FAM120A: variants seen among roughly 807,000 people sequenced by gnomAD.
The protein encoded by FAM120A is family with sequence similarity 120 member A, also known as constitutive coactivator of PPAR-gamma-like protein 1.
Under a neutral mutation model 109.7 loss-of-function variants are expected in FAM120A, and 15 were observed. The observed-to-expected ratio is 0.14, with a 90% CI of 0.09 to 0.21. FAM120A has a LOEUF of 0.21. FAM120A is among the 10% of genes least tolerant of loss of function. FAM120A has a pLI of 1.00. For synonymous variants in FAM120A, 493 were observed against 572.8 expected (o/e 0.86, Z 1.99); for missense variants, 899 against 1,439.3 (o/e 0.62, Z 6.07).
intron 3 of FAM120A, among the ~76,000 whole-genome samples, chr9:93,481,359 A>G (rs771159557): frequency 6.6e-6 from 1 of 151,994 alleles, no homozygotes; most frequent in Non-Finnish European, 1.5e-5. Flanking sequence ...TGCTGGCTTT[A>G]TTTTTTTAAA....
chr9:93,556,361 A>T, intron 12 of FAM120A, 21 bp from the exon 13 acceptor site: 1 of 1,595,700 alleles, frequency 6.3e-7, no homozygotes, highest in Non-Finnish European at 8.6e-7. Flanking sequence ...TTCCATAGAA[A>T]TTACTCTTTT....
chr9:93,461,569 C>G (rs916379250), intron 1 of FAM120A, among the ~76,000 whole-genome samples: 4 of 152,062 alleles, frequency 2.6e-5, no homozygotes, highest in African/African-American at 9.7e-5. Flanking sequence ...CTAGAGTAGG[C>G]TAAATAGATT....
intron 11 of FAM120A, 22 bp from the exon 12 acceptor site, chr9:93,550,554 CT>C (rs1564358018): frequency 3.8e-6 from 6 of 1,598,132 alleles, no homozygotes; most frequent in Non-Finnish European, 5.1e-6. Flanking sequence ...AATCACCAAC[CT>C]TTTGTTTCTG....
intron 1 of FAM120A, among the ~76,000 whole-genome samples, chr9:93,455,403 T>A (rs1857507875): frequency 6.6e-6 from 1 of 152,216 alleles, no homozygotes; most frequent in Non-Finnish European, 1.5e-5. Context: ...GTGATGGAAC[T>A]GTTCTGTATT....
intron 12 of FAM120A, among the ~76,000 whole-genome samples, chr9:93,552,848 C>G (rs1862150350): frequency 6.6e-6 from 1 of 152,156 alleles, no homozygotes; most frequent in African/African-American, 2.4e-5. Context: ...GCCTGCTACC[C>G]AGTTTGTGGA....
intron 12 of FAM120A, among the ~76,000 whole-genome samples, chr9:93,552,644 T>G (rs1862140174): frequency 6.6e-6 from 1 of 152,248 alleles, no homozygotes. Flanking sequence ...GATCATTATT[T>G]AAATGCTACA....
intron 2 of FAM120A, among the ~76,000 whole-genome samples, chr9:93,471,893 T>G (rs1428386826): frequency 1.3e-5 from 2 of 152,208 alleles, no homozygotes; most frequent in African/African-American, 4.8e-5. Flanking sequence ...CTTTAAAAAA[T>G]TTCCTTGGAG....
chr9:93,464,013 C>G (rs1218204270), intron 1 of FAM120A, among the ~76,000 whole-genome samples: 1 of 152,174 alleles, frequency 6.6e-6, no homozygotes, highest in Non-Finnish European at 1.5e-5. Flanking sequence ...TACTATTATT[C>G]TTACAGATGA....
chr9:93,491,707 G>A lies in FAM120A; in HGVS notation c.805-5764G>A, dbSNP rs187487271. ...ATTGCTACACAGTGATGTGAAAAAA[G>A]CAATTGATCATAAGCGTTTGCTTGT... On this transcript the variant is annotated intron_variant, in intron 3 of 17. Transcript: ENST00000277165. Among the ~76,000 whole-genome samples the A allele has an allele frequency of 3.8e-4, 58 of 152,236 alleles. 2 individuals are homozygous for A. Among genetic ancestry groups the A allele is most frequent in the African/African-American group, 1.3e-3 (56 of 41,546 alleles).
In FAM120A at chr9:93,497,480, C is replaced by T. The variant is rs752737777; in HGVS notation, c.814C>T (p.His272Tyr). The change falls in exon 4 of 18, where the codon CAC (histidine) becomes TAC (tyrosine). Residue 272 changes from histidine to tyrosine, a missense_variant. His to Tyr is a moderately conservative substitution (Grantham distance 83). Coordinates refer to ENST00000277165, the MANE Select transcript of FAM120A (RefSeq NM_014612.5). ...ACGTTTGTTTTCTCAGGTCCGGGCC[C>T]ACCAGCTGGTCTTGCCACCTTGCGA... ...HPLASLKVRAHQLVLPPCDVV... is the reference protein window; with the variant it reads ...HPLASLKVRAYQLVLPPCDVV... The T allele has an allele frequency of 1.9e-6, 3 of 1,613,408 alleles. No homozygotes were observed. The highest frequency in any genetic ancestry group is 2.5e-6 in the Non-Finnish European group (3 of 1,179,766).
At chr9:93,460,698 C>T (rs1355132123) in intron 1 of FAM120A, among the ~76,000 whole-genome samples, 1 of 152,128 alleles carries the variant, frequency 6.6e-6, no homozygotes, top group African/African-American at 2.4e-5. Context: ...GCCTGTTATC[C>T]AGCTCTTAGA....
At chr9:93,562,789 C>T (rs1305984855) in intron 17 of FAM120A, among the ~76,000 whole-genome samples, 3 of 151,746 alleles carry the variant, frequency 2.0e-5, no homozygotes, top group Admixed American at 6.6e-5. Flanking sequence ...GTCAGCCTCC[C>T]GAATAGCTGG....
At chr9:93,548,577 A>T (rs535667524) in intron 11 of FAM120A, among the ~76,000 whole-genome samples, 8 of 152,340 alleles carry the variant, frequency 5.3e-5, no homozygotes, top group Admixed American at 2.0e-4. Context: ...TAAATGGTAA[A>T]TTTTTTGTGT....
At position 93,532,859 on chromosome 9, in the gene FAM120A, T is replaced by C. The variant is rs1413193148; in HGVS notation, c.1909+530T>C. Among the ~76,000 whole-genome samples the C allele has an allele frequency of 1.3e-5, 2 of 152,196 alleles. No individual in the cohort carries two copies. The highest frequency in any genetic ancestry group is 4.8e-5 in the African/African-American group (2 of 41,450). On this transcript the variant is annotated intron_variant, in intron 10 of 17. Coordinates refer to ENST00000277165, the MANE Select transcript of FAM120A (RefSeq NM_014612.5). This position sits in a 1 kb window ranked among gnomAD's most constrained non-coding sequence, Gnocchi z 4.3. ...ATTGTGATGATTTGTCTCGGAATCC[T>C]CTGAGACCTGTGCACTTCCAGCTGA... is the stretch of plus-strand genomic sequence containing the variant.
At chr9:93,531,669 C>T (rs373049971) in intron 9 of FAM120A, among the ~76,000 whole-genome samples, 21 of 152,300 alleles carry the variant, frequency 1.4e-4, no homozygotes, top group Middle Eastern at 6.8e-3. Context: ...GCCTAACACA[C>T]GAGGTGGTAA....
intron 7 of FAM120A, among the ~76,000 whole-genome samples, chr9:93,521,224 C>A (rs1860831976): frequency 6.6e-6 from 1 of 152,180 alleles, no homozygotes; most frequent in South Asian, 2.1e-4. Flanking sequence ...AGAGACACAA[C>A]ACTCTCTTTC....
intron 3 of FAM120A, among the ~76,000 whole-genome samples, chr9:93,490,018 G>C (rs1416663382): frequency 6.6e-6 from 1 of 152,148 alleles, no homozygotes; most frequent in Non-Finnish European, 1.5e-5. Flanking sequence ...CCTAGACTGG[G>C]GCAACATTTT....
chr9:93,527,340 T>C (rs1036329085), intron 8 of FAM120A, 98 bp downstream of exon 8: 15 of 891,424 alleles, frequency 1.7e-5, no homozygotes, highest in African/African-American at 1.5e-4. Context: ...TCTCTCTCTT[T>C]TAATCGGGTC....
chr9:93,517,818 C>G (rs762783826), intron 7 of FAM120A, among the ~76,000 whole-genome samples: 22 of 152,082 alleles, frequency 1.4e-4, no homozygotes, highest in Admixed American at 5.2e-4. Flanking sequence ...ATGTGAGTTG[C>G]CCATCTAATT....
Sources: allele counts gnomAD v4.1 joint callset (sites outside exome capture counted in the v4.1 genomes callset), GRCh38; gene constraint gnomAD v4.1.1; non-coding constraint Gnocchi (gnomAD v3.1); transcripts MANE v1.5; gene names NCBI Gene and HGNC (gene_info 2026-07-23, HGNC 2026-07-21).